RNFT2: variants seen among roughly 807,000 people sequenced by gnomAD.
The protein encoded by RNFT2 is ring finger protein, transmembrane 2, also known as E3 ubiquitin-protein ligase RNFT2.
RNFT2 carries 36 observed loss-of-function variants against 53.0 expected under a neutral mutation model. The observed-to-expected ratio is 0.68, with a 90% CI of 0.52 to 0.90. The LOEUF is 0.90. RNFT2 is among the 40% of genes least tolerant of loss of function. The pLI, the probability that RNFT2 is intolerant of heterozygous loss-of-function variation, is 0.00. For missense variants in RNFT2, 514 were observed against 585.6 expected (o/e 0.88, Z 1.26); for synonymous variants, 260 against 253.2 (o/e 1.03, Z -0.26).
In RNFT2 at chr12:116,815,010, ACAGACATGAGCCACGGCGCC is replaced by A. The variant is rs1429780107; in HGVS notation, c.883-18778_883-18759del. Reference sequence around the variant, plus strand: ...GTCGGCCTCCCAAAGTGCTGGGATTACAGACATGAGCCACGGCGCCCAGCCGAGATTCTTAGTATGTCAAC... The same window carrying A: ...GTCGGCCTCCCAAAGTGCTGGGATTACAGCCGAGATTCTTAGTATGTCAAC... On this transcript the variant is annotated intron_variant, in intron 7 of 10. Coordinates refer to ENST00000257575, the MANE Select transcript of RNFT2 (RefSeq NM_001382266.1). Among the ~76,000 whole-genome samples, 5 of 152,214 alleles carry A rather than the reference ACAGACATGAGCCACGGCGCC, an allele frequency of 3.3e-5. No individual in the cohort carries two copies. In the East Asian group the frequency reaches 7.7e-4, roughly 24 times the overall value.
chr12:116,763,614 A>G (rs1001689697), intron 5 of RNFT2, among the ~76,000 whole-genome samples: 2 of 34,778 alleles, frequency 5.8e-5, no homozygotes, highest in Non-Finnish European at 1.7e-4. Context: ...TAAAAAAAAA[A>G]ATAACAAAAA....
At chr12:116,833,654 G>A in intron 7 of RNFT2, 138 bp from the exon 8 acceptor site, 1 of 825,504 alleles carries the variant, frequency 1.2e-6, no homozygotes, top group Non-Finnish European at 1.9e-6. Context: ...TTAGGAGCTG[G>A]CCTGAGTGCT....
intron 5 of RNFT2, among the ~76,000 whole-genome samples, chr12:116,764,167 A>G (rs1026302753): frequency 2.0e-5 from 3 of 152,218 alleles, no homozygotes; most frequent in African/African-American, 7.2e-5. Context: ...ATGCAAAGGC[A>G]TAAGAATGAT....
In RNFT2 at chr12:116,835,986, C is replaced by T. The variant is rs192187826; in HGVS notation, c.1059C>T (p.Gly353=). Residue 353 remains glycine (G), a synonymous_variant, in exon 9 of 11, where the codon GGC becomes GGT. Transcript: ENST00000257575. The part of the protein sequence containing the change: ...CKSFDICGRV[G]GVRKALKLLC... ...CCTTCGACATCTGTGGACGTGTGGG[C>T]GGAGTTAGGAAAGCCCTGAAGCTTC... The T allele has an allele frequency of 1.1e-5, 17 of 1,613,936 alleles. No homozygotes were observed. Among genetic ancestry groups the T allele is most frequent in the East Asian group, 8.9e-5 (4 of 44,882 alleles).
chr12:116,821,471 C>CCCACG, intron 7 of RNFT2, among the ~76,000 whole-genome samples: 1 of 152,150 alleles, frequency 6.6e-6, no homozygotes, highest in Admixed American at 6.5e-5. Context: ...ACAACCCCAC[C>CCCACG]ATCCTAACAG....
At chr12:116,834,759 A>G (rs2137204283) in intron 8 of RNFT2, among the ~76,000 whole-genome samples, 1 of 151,394 alleles carries the variant, frequency 6.6e-6, no homozygotes, top group Non-Finnish European at 1.5e-5. Flanking sequence ...GGTTTAATCT[A>G]CCCTAATTTC....
chr12:116,782,927 T>G (rs1873778376), intron 7 of RNFT2, among the ~76,000 whole-genome samples: 1 of 152,148 alleles, frequency 6.6e-6, no homozygotes, highest in Admixed American at 6.5e-5. Context: ...ATTAAACTCT[T>G]CAGTTACCTG....
At chr12:116,761,575 G>A (rs1408870734) in intron 5 of RNFT2, among the ~76,000 whole-genome samples, 8 of 152,302 alleles carry the variant, frequency 5.3e-5, no homozygotes, top group East Asian at 1.9e-4. Flanking sequence ...CTGCGTGCCC[G>A]GCACAGTACT....
chr12:116,741,021 T>A lies in RNFT2; in HGVS notation c.25-15T>A, dbSNP rs376548421. 6.2e-7 allele frequency: 1 copy of A among 1,605,514 alleles called. No homozygotes were observed. Among genetic ancestry groups the A allele is most frequent in the African/African-American group, 1.3e-5 (1 of 74,788 alleles). ...GTGTTGGGAGACTCTGGCTCACCCA[T>A]GTGTTGGGTTTTAGGTGTTAAGGAA... On this transcript the variant is annotated splice_polypyrimidine_tract_variant and intron_variant, in intron 2 of 10. Coordinates refer to ENST00000257575, the MANE Select transcript of RNFT2 (RefSeq NM_001382266.1).
chr12:116,774,066 G>T (rs188877350), intron 6 of RNFT2, among the ~76,000 whole-genome samples: 31 of 152,346 alleles, frequency 2.0e-4, no homozygotes, highest in African/African-American at 7.2e-4. Flanking sequence ...TTAAGTGTAT[G>T]ATTTCACTTA....
rs1278758045 is a variant in RNFT2 at position 116,788,945 on chromosome 12, TGGG to T, written c.882+9598_882+9600del. ...GTGGATGGATGGATGGATAGATAAA[TGGG>T]AGGAGAGGGATGGATGGATGGATGG... On this transcript the variant is annotated intron_variant, in intron 7 of 10. Coordinates refer to ENST00000257575, the MANE Select transcript of RNFT2 (RefSeq NM_001382266.1). 3.5e-4 allele frequency among the ~76,000 whole-genome samples: 36 copies of T among 103,388 alleles called. No homozygotes were observed. In the East Asian group the frequency reaches 8.6e-3, roughly 25 times the overall value. The allele number at this position is 103,388 out of a possible 152,430, so 67.8% of individuals were successfully genotyped here.
chr12:116,830,412 C>T (rs569516773), intron 7 of RNFT2, among the ~76,000 whole-genome samples: 35 of 152,254 alleles, frequency 2.3e-4, no homozygotes, highest in African/African-American at 7.9e-4. Flanking sequence ...CTCAGCCTCT[C>T]AAGTAGCTGG....
At chr12:116,824,928 T>TTTG (rs772974486) in intron 7 of RNFT2, among the ~76,000 whole-genome samples, 5 of 152,210 alleles carry the variant, frequency 3.3e-5, no homozygotes, top group South Asian at 2.1e-4. Flanking sequence ...TACTTTAGTT[T>TTTG]TTGTTGTTGT....
chr12:116,756,034 T>A (rs1339069514), intron 5 of RNFT2, among the ~76,000 whole-genome samples: 1 of 152,182 alleles, frequency 6.6e-6, no homozygotes, highest in Non-Finnish European at 1.5e-5. Flanking sequence ...TTAGTCTTGC[T>A]TCAGTTATGT....
intron 10 of RNFT2, among the ~76,000 whole-genome samples, chr12:116,840,168 A>C (rs1877181046): frequency 6.6e-6 from 1 of 152,160 alleles, no homozygotes. Context: ...GGTTTTTTGC[A>C]TGTTTTATGA....
intron 5 of RNFT2, among the ~76,000 whole-genome samples, chr12:116,754,381 G>A (rs897367372): frequency 1.2e-4 from 18 of 151,886 alleles, no homozygotes; most frequent in African/African-American, 3.1e-4. Context: ...TTATACACCC[G>A]TTGATTGGTG....
chr12:116,820,962 A>G (rs751969718), intron 7 of RNFT2, among the ~76,000 whole-genome samples: 1 of 151,516 alleles, frequency 6.6e-6, no homozygotes, highest in Non-Finnish European at 1.5e-5. Flanking sequence ...TGGGTCTCCC[A>G]CTCTGTTCTT....
intron 7 of RNFT2, among the ~76,000 whole-genome samples, chr12:116,799,845 T>C (rs148722646): frequency 6.6e-6 from 1 of 152,196 alleles, no homozygotes; most frequent in Non-Finnish European, 1.5e-5. Context: ...GGTGATACAG[T>C]TTGGATGTTT....
chr12:116,773,913 T>C (rs1410129525), intron 6 of RNFT2, among the ~76,000 whole-genome samples: 1 of 152,232 alleles, frequency 6.6e-6, no homozygotes, highest in Non-Finnish European at 1.5e-5. Context: ...TATTGACAGA[T>C]GAATGGATAA....
Sources: allele counts gnomAD v4.1 joint callset (sites outside exome capture counted in the v4.1 genomes callset), GRCh38; gene constraint gnomAD v4.1.1; transcripts MANE v1.5; gene names NCBI Gene and HGNC (gene_info 2026-07-23, HGNC 2026-07-21).